The following EDIL3 variants were observed in gnomAD, a reference collection of about 807,000 sequenced individuals.
EDIL3 encodes the protein EGF like and discoidin domains 3.
Under a neutral mutation model 67.4 loss-of-function variants are expected in EDIL3, and 37 were observed. The ratio of observed to expected loss-of-function variants is 0.55; its 90% CI spans 0.42 to 0.72. EDIL3 has a LOEUF of 0.72. Ranked by LOEUF, EDIL3 falls within the 30% of genes least tolerant of loss-of-function variation. EDIL3 has a pLI of 0.00. For synonymous variants in EDIL3, 195 were observed against 196.3 expected (o/e 0.99, Z 0.05); for missense variants, 527 against 586.3 (o/e 0.90, Z 1.04).
intron 1 of EDIL3, among the ~76,000 whole-genome samples, chr5:84,270,586 T>C (rs1028330989): frequency 6.6e-6 from 1 of 152,160 alleles, no homozygotes; most frequent in Non-Finnish European, 1.5e-5. Flanking sequence ...AGGGTGAAAT[T>C]TGTATTTGCT....
At chr5:83,985,877 T>C (rs1192582853) in intron 9 of EDIL3, among the ~76,000 whole-genome samples, 1 of 152,044 alleles carries the variant, frequency 6.6e-6, no homozygotes, top group African/African-American at 2.4e-5. Flanking sequence ...AATAGGTTTG[T>C]ATTGTTATTT....
At chr5:84,005,048 C>A (rs1745388874) in intron 9 of EDIL3, among the ~76,000 whole-genome samples, 1 of 152,052 alleles carries the variant, frequency 6.6e-6, no homozygotes, top group African/African-American at 2.4e-5. Flanking sequence ...CCCTCATATA[C>A]TATTATGAAC....
chr5:84,265,490 T>G (rs938010197), intron 1 of EDIL3, among the ~76,000 whole-genome samples: 2 of 152,236 alleles, frequency 1.3e-5, no homozygotes, highest in African/African-American at 2.4e-5. Context: ...AATCATATTT[T>G]AAAAGTCAGG....
At chr5:84,256,909 T>A (rs1220054660) in intron 1 of EDIL3, among the ~76,000 whole-genome samples, 1 of 152,184 alleles carries the variant, frequency 6.6e-6, no homozygotes, top group Non-Finnish European at 1.5e-5. Flanking sequence ...CAAATCTAGT[T>A]AATAAATACT....
In EDIL3 at chr5:84,273,748, G is replaced by A. The variant is rs1215844296; in HGVS notation, c.68-19536C>T. ...TTTCTACCACACTCCTCAAACACAC[G>A]GTGAAATCAGCACCATGGTTTGTCT... On this transcript the variant is annotated intron_variant, in intron 1 of 10. Coordinates refer to ENST00000296591, the MANE Select transcript of EDIL3 (RefSeq NM_005711.5). Among the ~76,000 whole-genome samples, 12 of 151,962 alleles carry A rather than the reference G, an allele frequency of 7.9e-5. No individual in the cohort carries two copies. The East Asian group carries it at 9.7e-4, about 12-fold the overall frequency.
intron 6 of EDIL3, among the ~76,000 whole-genome samples, chr5:84,070,348 C>T (rs1369135213): frequency 2.0e-5 from 3 of 152,098 alleles, no homozygotes; most frequent in Admixed American, 6.5e-5. Context: ...CCCGGTGGGG[C>T]TTCAGGAACT....
chr5:84,064,140 G>C (rs537701232), intron 8 of EDIL3, among the ~76,000 whole-genome samples: 18 of 152,190 alleles, frequency 1.2e-4, no homozygotes, highest in African/African-American at 4.1e-4. Context: ...CAGGTTGCTA[G>C]CTAAGAATGA....
intron 1 of EDIL3, among the ~76,000 whole-genome samples, chr5:84,356,299 G>A (rs908940846): frequency 3.3e-5 from 5 of 152,144 alleles, no homozygotes; most frequent in African/African-American, 9.7e-5. Flanking sequence ...CAAACTCCAC[G>A]AATGTTTTAA....
chr5:84,300,274 C>A (rs953480425), intron 1 of EDIL3, among the ~76,000 whole-genome samples: 15 of 152,160 alleles, frequency 9.9e-5, no homozygotes, highest in Non-Finnish European at 2.9e-5. Flanking sequence ...CACATCCCCT[C>A]TCCTCTGAAT....
intron 4 of EDIL3, among the ~76,000 whole-genome samples, chr5:84,157,331 G>A (rs58812883): frequency 8.7e-4 from 132 of 151,978 alleles, no homozygotes; most frequent in African/African-American, 3.2e-3. Context: ...TTAAAAAAAT[G>A]GGGGATTTAC....
chr5:83,989,456 T>C (rs560880966), intron 9 of EDIL3, among the ~76,000 whole-genome samples: 1 of 152,182 alleles, frequency 6.6e-6, no homozygotes, highest in South Asian at 2.1e-4. Context: ...GCTTTGCTGG[T>C]TCTGTCTCAA....
In EDIL3 at chr5:83,992,140, G is replaced by A. The variant is rs530906471; in HGVS notation, c.1138-28780C>T. 6.6e-5 allele frequency among the ~76,000 whole-genome samples: 10 copies of A among 152,222 alleles called. No individual in the cohort carries two copies. In the South Asian group the frequency reaches 1.9e-3, roughly 28 times the overall value. On this transcript the variant is annotated intron_variant, in intron 9 of 10. Coordinates refer to ENST00000296591, the MANE Select transcript of EDIL3 (RefSeq NM_005711.5). The stretch of plus-strand genomic sequence containing the variant: ...ATGCAAGAACAATAGTGGATATTAA[G>A]AGCTATTGTCACTGTGCTACATTTC...
chr5:84,076,577 T>C lies in EDIL3; in HGVS notation c.652-9971A>G, dbSNP rs73134283. Among the ~76,000 whole-genome samples the C allele has an allele frequency of 1.4e-3, 215 of 152,338 alleles. 1 individual carries two copies. The highest frequency in any genetic ancestry group is 5.0e-3 in the African/African-American group (206 of 41,576). On this transcript the variant is annotated intron_variant, in intron 6 of 10. Coordinates refer to ENST00000296591, the MANE Select transcript of EDIL3 (RefSeq NM_005711.5). ...TTTTCTAAGCGATGACACATTTCAC[T>C]ATATAATACAAAAACTTGCACTGAT...
At chr5:84,143,166 T>C (rs929461184) in intron 4 of EDIL3, among the ~76,000 whole-genome samples, 2 of 152,098 alleles carry the variant, frequency 1.3e-5, no homozygotes, top group African/African-American at 4.8e-5. Flanking sequence ...ACTCAGATGC[T>C]GAACTTAATT....
chr5:84,260,244 T>C (rs2112083338), intron 1 of EDIL3, among the ~76,000 whole-genome samples: 1 of 152,230 alleles, frequency 6.6e-6, no homozygotes, highest in South Asian at 2.1e-4. Context: ...TGACAGACAG[T>C]GAAGCAAGGC....
chr5:84,348,031 A>G (rs2112185246), intron 1 of EDIL3, among the ~76,000 whole-genome samples: 1 of 152,338 alleles, frequency 6.6e-6, no homozygotes, highest in East Asian at 1.9e-4. Flanking sequence ...GGTGAAACAG[A>G]GGAAAATGTA....
At chr5:84,188,172 GAC>G (rs985857351) in intron 3 of EDIL3, among the ~76,000 whole-genome samples, 1 of 151,962 alleles carries the variant, frequency 6.6e-6, no homozygotes, top group African/African-American at 2.4e-5. Context: ...GCACTGAGAT[GAC>G]CAGTGGAGAT....
At chr5:84,094,294 TA>T (rs1230445509) in intron 6 of EDIL3, among the ~76,000 whole-genome samples, 3 of 152,174 alleles carry the variant, frequency 2.0e-5, no homozygotes, top group Admixed American at 6.5e-5. Flanking sequence ...GATCATAGTT[TA>T]AAAAATATCA....
chr5:84,182,470 T>A (rs1285411930), intron 3 of EDIL3, among the ~76,000 whole-genome samples: 3 of 147,352 alleles, frequency 2.0e-5, no homozygotes, highest in South Asian at 2.2e-4. Flanking sequence ...AACTAAACTT[T>A]AAAAAAAACA....
Sources: gnomAD v4.1 joint callset for allele counts (sites outside exome capture counted in the v4.1 genomes callset) on GRCh38, gnomAD v4.1.1 for gene constraint, MANE v1.5 for transcripts, NCBI Gene and HGNC (gene_info 2026-07-23, HGNC 2026-07-21) for gene names.